GALNT17: variants seen among roughly 807,000 people sequenced by gnomAD.
The protein encoded by GALNT17 is polypeptide N-acetylgalactosaminyltransferase 17.
GALNT17 carries 29 observed loss-of-function variants against 63.7 expected under a neutral mutation model. The observed-to-expected ratio is 0.46, with a 90% CI of 0.34 to 0.62. The LOEUF (loss-of-function observed/expected upper bound fraction) is 0.62. GALNT17 is among the 20% of genes least tolerant of loss of function. The pLI is 0.01. For synonymous variants in GALNT17, 305 were observed against 318.3 expected, an observed-to-expected ratio of 0.96 and a Z score of 0.45; for missense variants, 603 against 799.6, an observed-to-expected ratio of 0.75 and a Z score of 2.97.
In GALNT17 at chr7:71,335,683, C is replaced by T. The variant is rs1386972400; in HGVS notation, c.372C>T (p.Leu124=). 1.2e-6 allele frequency: 2 copies of T among 1,611,346 alleles called. No individual in the cohort carries two copies. The highest frequency in any genetic ancestry group is 1.7e-6 in the Non-Finnish European group (2 of 1,178,936). ...PHEKYGYNSY[L]SEKISLDRSI... is the part of the protein sequence containing the mutation. ...AGAAGTATGGCTACAATTCATACCT[C>T]AGTGAAAAAATTTCACTGGACCGTT... Residue 124 remains leucine (L), a synonymous_variant, in exon 2 of 11, where the codon CTC becomes CTT. Coordinates refer to ENST00000333538, the MANE Select transcript of GALNT17 (RefSeq NM_022479.3).
chr7:71,289,887 A>T (rs1243543297), intron 1 of GALNT17, among the ~76,000 whole-genome samples: 1 of 149,100 alleles, frequency 6.7e-6, no homozygotes, highest in African/African-American at 2.5e-5. Flanking sequence ...CTCAAAAGAA[A>T]AAAAAAAAAA....
At chr7:71,514,966 C>T (rs545179704) in intron 5 of GALNT17, among the ~76,000 whole-genome samples, 3 of 152,290 alleles carry the variant, frequency 2.0e-5, no homozygotes, top group South Asian at 2.1e-4. Context: ...ATAAATCTCA[C>T]GAGATCTGAT....
chr7:71,595,586 A>G (rs113580385), intron 6 of GALNT17, among the ~76,000 whole-genome samples: 5 of 151,808 alleles, frequency 3.3e-5, no homozygotes, highest in African/African-American at 9.6e-5. Flanking sequence ...TCTTCCCAGC[A>G]TGATGGCTTT....
chr7:71,312,597 A>G (rs183174852), intron 1 of GALNT17, among the ~76,000 whole-genome samples: 2 of 152,222 alleles, frequency 1.3e-5, no homozygotes, highest in South Asian at 2.1e-4. Flanking sequence ...TCCTAAGGCC[A>G]TGCTCCTGGG....
intron 3 of GALNT17, among the ~76,000 whole-genome samples, chr7:71,392,714 T>C (rs1255325779): frequency 6.6e-6 from 1 of 152,088 alleles, no homozygotes; most frequent in African/African-American, 2.4e-5. Flanking sequence ...TAAATCAATA[T>C]CCATTCATCA....
At chr7:71,646,310 G>A (rs141669583) in intron 6 of GALNT17, among the ~76,000 whole-genome samples, 14 of 152,230 alleles carry the variant, frequency 9.2e-5, no homozygotes, top group African/African-American at 3.4e-4. Context: ...CTCCAAGAAG[G>A]GTTCTGAGAA....
At chr7:71,159,330 G>T (rs1400267627) in intron 1 of GALNT17, among the ~76,000 whole-genome samples, 2 of 151,636 alleles carry the variant, frequency 1.3e-5, no homozygotes, top group African/African-American at 4.9e-5. Context: ...CCTAGACTTG[G>T]AGAAGGCAAA....
intron 1 of GALNT17, among the ~76,000 whole-genome samples, chr7:71,227,617 G>A (rs78774439): frequency 0.011 from 1,597 of 152,014 alleles, 25 homozygotes; most frequent in African/African-American, 0.036. Context: ...GCTTAATTTC[G>A]TTTGCTCTCA....
intron 2 of GALNT17, among the ~76,000 whole-genome samples, chr7:71,364,516 A>G (rs1050142812): frequency 2.6e-5 from 4 of 152,180 alleles, no homozygotes; most frequent in African/African-American, 9.7e-5. Flanking sequence ...ATTCCTGGCA[A>G]TATTCCTTTG....
At chr7:71,146,584 C>T (rs1788027992) in intron 1 of GALNT17, among the ~76,000 whole-genome samples, 1 of 152,056 alleles carries the variant, frequency 6.6e-6, no homozygotes, top group South Asian at 2.1e-4. Flanking sequence ...GTGCTCACTG[C>T]CTTCCCTCCC....
intron 5 of GALNT17, among the ~76,000 whole-genome samples, chr7:71,440,086 G>A (rs1480564300): frequency 8.6e-5 from 13 of 151,002 alleles, no homozygotes; most frequent in Middle Eastern, 3.2e-3. Context: ...GCGCCACCAC[G>A]CCTGGCTAAT....
At chr7:71,168,135 G>A (rs929981552) in intron 1 of GALNT17, among the ~76,000 whole-genome samples, 5 of 152,280 alleles carry the variant, frequency 3.3e-5, no homozygotes, top group Admixed American at 3.3e-4. Context: ...TATTGTCCAT[G>A]TATGTCTAGG....
At chr7:71,332,893 G>T (rs897938278) in intron 1 of GALNT17, among the ~76,000 whole-genome samples, 37 of 152,058 alleles carry the variant, frequency 2.4e-4, no homozygotes, top group South Asian at 2.1e-4. Flanking sequence ...TCATCATGTT[G>T]GCCAGGCTGG....
intron 2 of GALNT17, among the ~76,000 whole-genome samples, chr7:71,358,835 A>G (rs1194894741): frequency 6.6e-6 from 1 of 150,822 alleles, no homozygotes; most frequent in African/African-American, 2.4e-5. Flanking sequence ...GTGCAGTGGC[A>G]CAATCTTGGC....
At chr7:71,592,547 AGC>A (rs1562703271) in intron 6 of GALNT17, among the ~76,000 whole-genome samples, 50 of 133,106 alleles carry the variant, frequency 3.8e-4, no homozygotes, top group African/African-American at 1.1e-3. Context: ...AAAATAAAAT[AGC>A]ATAGCATAGC....
chr7:71,313,525 G>A (rs548721334), intron 1 of GALNT17, among the ~76,000 whole-genome samples: 1 of 152,314 alleles, frequency 6.6e-6, no homozygotes, highest in East Asian at 1.9e-4. Flanking sequence ...AACAAACAGT[G>A]CTTGCTTCTC....
At chr7:71,552,234 G>A (rs1452675900) in intron 5 of GALNT17, among the ~76,000 whole-genome samples, 4 of 151,722 alleles carry the variant, frequency 2.6e-5, no homozygotes, top group East Asian at 1.9e-4. Flanking sequence ...TAGTAGAGAC[G>A]GGGTTTGGCC....
intron 1 of GALNT17, chr7:71,300,620 AC>A: frequency 4.2e-6 from 1 of 236,514 alleles, no homozygotes; most frequent in Non-Finnish European, 8.7e-6. Flanking sequence ...ACAACCACAC[AC>A]ACAAACACAC....
chr7:71,189,979 T>TG (rs900475524), intron 1 of GALNT17, among the ~76,000 whole-genome samples: 1 of 151,916 alleles, frequency 6.6e-6, no homozygotes, highest in African/African-American at 2.4e-5. Context: ...CCTGGCTAAT[T>TG]TTTTTGTACT....
Sources: gnomAD v4.1 joint callset for allele counts (sites outside exome capture counted in the v4.1 genomes callset) on GRCh38, gnomAD v4.1.1 for gene constraint, MANE v1.5 for transcripts, NCBI Gene and HGNC (gene_info 2026-07-23, HGNC 2026-07-21) for gene names.